ANKRD11: variants seen among roughly 807,000 people sequenced by gnomAD.
ANKRD11 encodes ankyrin repeat domain 11.
A neutral mutation model predicts 195.7 loss-of-function variants in ANKRD11; 17 were observed. That is an observed-to-expected ratio of 0.09 (90% CI 0.06 to 0.13). The LOEUF (loss-of-function observed/expected upper bound fraction) is 0.13, where lower values mean the gene tolerates loss of function less well. Ranked by LOEUF, ANKRD11 falls within the 10% of genes least tolerant of loss-of-function variation. The probability of loss-of-function intolerance (pLI) is 1.00; values close to 1 mark genes in which losing one functional copy is unlikely to be tolerated. For synonymous variants in ANKRD11, 1,953 were observed against 1,528.1 expected, an observed-to-expected ratio of 1.28 and a Z score of -6.49; for missense variants, 3,735 against 3,566.1, an observed-to-expected ratio of 1.05 and a Z score of -1.21.
At chr16:89,413,649 A>G (rs919002764) in intron 2 of ANKRD11, among the ~76,000 whole-genome samples, 1 of 152,236 alleles carries the variant, frequency 6.6e-6, no homozygotes, top group African/African-American at 2.4e-5. Context: ...AGGAAATGGA[A>G]GTGAACTCAC....
chr16:89,421,092 C>T (rs567556196), intron 1 of ANKRD11, among the ~76,000 whole-genome samples: 102 of 151,840 alleles, frequency 6.7e-4, no homozygotes, highest in Non-Finnish European at 1.2e-3. Flanking sequence ...GGGATGGGAC[C>T]ATCACCCATC....
chr16:89,413,991 G>A (rs2042199050), intron 2 of ANKRD11, among the ~76,000 whole-genome samples: 1 of 152,054 alleles, frequency 6.6e-6, no homozygotes, highest in African/African-American at 2.4e-5. Context: ...GCTCGGCTCT[G>A]GCTGAGCTGA....
chr16:89,278,359 T>C lies in ANKRD11; in HGVS notation c.7470+713A>G, dbSNP rs190465780. Reference sequence around the variant, plus strand: ...AGGCCCCGCGGCCCAGGGCAGAGAGTGCACAGGGCAGGCAGCCCTCATGGG... The same window carrying C: ...AGGCCCCGCGGCCCAGGGCAGAGAGCGCACAGGGCAGGCAGCCCTCATGGG... On this transcript the variant is annotated intron_variant, in intron 9 of 12. Transcript: ENST00000301030. 2.0e-3 allele frequency: 738 copies of C among 362,520 alleles called. 10 individuals are homozygous for C. The highest frequency in any genetic ancestry group is 1.4e-3 in the Non-Finnish European group (257 of 182,196). The allele number at this position is 362,520 out of a possible 1,614,324, so 22.5% of individuals were successfully genotyped here.
intron 1 of ANKRD11, among the ~76,000 whole-genome samples, chr16:89,426,724 A>C (rs1465644818): frequency 6.6e-6 from 1 of 152,222 alleles, no homozygotes; most frequent in African/African-American, 2.4e-5. Flanking sequence ...GGAAACATGA[A>C]TATACTGTGA....
At position 89,432,944 on chromosome 16, in the gene ANKRD11, ATCTCTCTCTC is replaced by A. The variant is rs56770747; in HGVS notation, c.-144-14586_-144-14577del. On this transcript the variant is annotated intron_variant, in intron 1 of 12. Transcript: ENST00000301030. The stretch of plus-strand genomic sequence containing the variant: ...TCCAGCCATGGGTGACAGAGACCCT[ATCTCTCTCTC>A]TCTCTCTCTCTCTCTCTCTCTCTCT... 9.9e-3 allele frequency among the ~76,000 whole-genome samples: 1,075 copies of A among 108,722 alleles called. 14 individuals carry two copies. Among genetic ancestry groups the A allele is most frequent in the Middle Eastern group, 0.026 (6 of 228 alleles). 71.3% of individuals were successfully genotyped at this position (108,722 alleles called of 152,430 possible). A position where few individuals can be genotyped will look rare whatever the true frequency, so the allele number is the denominator to read the frequency against.
At chr16:89,422,295 C>T (rs1175980622) in intron 1 of ANKRD11, 2 of 152,094 alleles carry the variant, frequency 1.3e-5, no homozygotes, top group South Asian at 2.1e-4. Context: ...CCTGGGCGAG[C>T]GACTGAGACC....
rs1174851586 is a variant in ANKRD11, at chr16:89,282,862, T to G, written c.3680A>C (p.Asp1227Ala). 6.2e-7 allele frequency: 1 copy of G among 1,612,504 alleles called. No homozygotes were observed. ...TTTATTTTTCTTATCTTGCGTGGAGTCCACTGAGGCTCTGTCCTTCCTGTC... is the reference window on the plus strand; with the variant it reads ...TTTATTTTTCTTATCTTGCGTGGAGGCCACTGAGGCTCTGTCCTTCCTGTC... The part of the protein sequence containing the change: ...YKDRKDRASV[D>A]STQDKKNKQK... Residue 1227 changes from aspartate to alanine, a missense_variant, in exon 9 of 13, where the codon GAC (aspartate) becomes GCC (alanine). Coordinates refer to ENST00000301030, the MANE Select transcript of ANKRD11 (RefSeq NM_013275.6).
chr16:89,280,533 G>C lies in ANKRD11; in HGVS notation c.6009C>G (p.Ala2003=). 6.2e-7 allele frequency: 1 copy of C among 1,612,304 alleles called. No homozygotes were observed. Among genetic ancestry groups the C allele is most frequent in the Non-Finnish European group, 8.5e-7 (1 of 1,179,724 alleles). The change falls in exon 9 of 13, where the codon GCC becomes GCG. Residue 2003 remains alanine (A), a synonymous_variant. Coordinates refer to ENST00000301030, the MANE Select transcript of ANKRD11 (RefSeq NM_013275.6). The part of the protein sequence containing the change: ...RFCPADPLHS[A]APGPFSASEA... Reference sequence around the variant, plus strand: ...CCGAGGCGCTGAAGGGCCCTGGGGCGGCAGAGTGGAGGGGGTCCGCGGGGC... The same window carrying C: ...CCGAGGCGCTGAAGGGCCCTGGGGCCGCAGAGTGGAGGGGGTCCGCGGGGC...
chr16:89,323,255 C>A, intron 2 of ANKRD11: 1 of 1,256,638 alleles, frequency 8.0e-7, no homozygotes, highest in Non-Finnish European at 1.0e-6. Context: ...GGAAAAAGAG[C>A]TGCATACCTG....
At chr16:89,273,104 GGTAACT>G (rs1402497553) in intron 11 of ANKRD11, 2 of 151,424 alleles carry the variant, frequency 1.3e-5, no homozygotes, top group Non-Finnish European at 2.9e-5. Flanking sequence ...AGCACAATAG[GGTAACT>G]GTAGTCAATA....
intron 1 of ANKRD11, among the ~76,000 whole-genome samples, chr16:89,483,326 C>T (rs1388900216): frequency 6.6e-6 from 1 of 152,212 alleles, no homozygotes; most frequent in East Asian, 1.9e-4. Flanking sequence ...AAAAGCCAGT[C>T]ATCTGGTGAG....
chr16:89,315,228 G>C (rs949870416), intron 3 of ANKRD11, among the ~76,000 whole-genome samples: 6 of 152,170 alleles, frequency 3.9e-5, no homozygotes, highest in Non-Finnish European at 5.9e-5. Flanking sequence ...GGCGAGGCCT[G>C]AGCTGTATGC....
intron 2 of ANKRD11, among the ~76,000 whole-genome samples, chr16:89,406,505 G>A (rs1567760407): frequency 6.6e-6 from 1 of 152,216 alleles, no homozygotes; most frequent in Non-Finnish European, 1.5e-5. Flanking sequence ...CATGTTCGTT[G>A]GCCATGCCCG....
intron 1 of ANKRD11, among the ~76,000 whole-genome samples, chr16:89,428,328 A>C (rs967102692): frequency 6.6e-6 from 1 of 152,158 alleles, no homozygotes; most frequent in South Asian, 2.1e-4. Flanking sequence ...GATCGAGACC[A>C]TCCTGGCCAA....
intron 2 of ANKRD11, among the ~76,000 whole-genome samples, chr16:89,364,914 T>C (rs1324889229): frequency 1.3e-5 from 2 of 152,256 alleles, no homozygotes; most frequent in Non-Finnish European, 2.9e-5. Flanking sequence ...GAATGCTGAA[T>C]ACCTGTGAGA....
intron 1 of ANKRD11, among the ~76,000 whole-genome samples, chr16:89,443,009 T>C (rs545006542): frequency 8.5e-5 from 13 of 152,352 alleles, no homozygotes; most frequent in African/African-American, 2.4e-4. Context: ...TCTTATTTTT[T>C]TGAAACAGAA....
At chr16:89,316,212 GCTGA>G (rs1383785084) in intron 3 of ANKRD11, among the ~76,000 whole-genome samples, 1 of 152,154 alleles carries the variant, frequency 6.6e-6, no homozygotes, top group Non-Finnish European at 1.5e-5. Flanking sequence ...GAGACAGGAA[GCTGA>G]CTCAGGAGAC....
intron 2 of ANKRD11, among the ~76,000 whole-genome samples, chr16:89,346,178 G>A (rs1420162133): frequency 6.6e-5 from 10 of 151,270 alleles, no homozygotes; most frequent in African/African-American, 2.4e-4. Context: ...GAACCCAGGA[G>A]GTGAGGTTGT....
chr16:89,479,133 A>C (rs1244391407), intron 1 of ANKRD11, among the ~76,000 whole-genome samples: 3 of 152,060 alleles, frequency 2.0e-5, no homozygotes, highest in Non-Finnish European at 4.4e-5. Flanking sequence ...AAGTCACGCC[A>C]CCACCTACCC....
Sources: allele counts gnomAD v4.1 joint callset (sites outside exome capture counted in the v4.1 genomes callset), GRCh38; gene constraint gnomAD v4.1.1; transcripts MANE v1.5; gene names NCBI Gene and HGNC (gene_info 2026-07-23, HGNC 2026-07-21).